Variants in GPR149 observed in about 807,000 individuals in gnomAD.
GPR149 encodes G protein-coupled receptor 149.
Under a neutral mutation model 50.2 loss-of-function variants are expected in GPR149, and 50 were observed. The ratio of observed to expected loss-of-function variants is 1.00; its 90% confidence interval spans 0.79 to 1.26. The LOEUF is 1.26. Among genes scored for constraint, GPR149 ranks in the 50% most tolerant of loss-of-function variants. The probability of loss-of-function intolerance (pLI) is 0.00; values close to 1 mark genes in which losing one functional copy is unlikely to be tolerated. For missense variants in GPR149, 983 were observed against 895.4 expected (o/e 1.10, Z -1.25); for synonymous variants, 405 against 358.2 (o/e 1.13, Z -1.48).
At chr3:154,416,456 T>G (rs1281266644) in intron 3 of GPR149, among the ~76,000 whole-genome samples, 2 of 151,824 alleles carry the variant, frequency 1.3e-5, no homozygotes, top group Admixed American at 6.6e-5. Flanking sequence ...TTGACTCGTA[T>G]GTACATTAAA....
chr3:154,421,470 C>G lies in GPR149; in HGVS notation c.1192G>C (p.Glu398Gln). Residue 398 changes from glutamate (E) to glutamine (Q), a missense_variant, in exon 3 of 4, where the codon GAA becomes CAA. Coordinates refer to ENST00000389740, the MANE Select transcript of GPR149 (RefSeq NM_001038705.3). ...CTTTTTTGGAATGATAGATTGAATT[C>G]AAAGCCTTTTCTCTTGACTGAGTAA... ...DGKKIKRKGF[E>Q]FNLSFQKSYG... 1.3e-6 allele frequency: 2 copies of G among 1,574,246 alleles called. No homozygotes were observed. Among genetic ancestry groups the G allele is most frequent in the Non-Finnish European group, 1.7e-6 (2 of 1,160,246 alleles).
At position 154,338,142 on chromosome 3, in the gene GPR149, C is replaced by G; in HGVS notation, c.1753G>C (p.Ala585Pro). The change falls in exon 4 of 4, where the codon GCC becomes CCC. Residue 585 changes from alanine to proline, a missense_variant. Ala to Pro is a conservative substitution (Grantham distance 27). Coordinates refer to ENST00000389740, the MANE Select transcript of GPR149 (RefSeq NM_001038705.3). Reference sequence around the variant, plus strand: ...CGATAGACTTCTATTTTCTTAGAGGCTGGAGTTATTTTTTGCCCTTCTGCG... The same window carrying G: ...CGATAGACTTCTATTTTCTTAGAGGGTGGAGTTATTTTTTGCCCTTCTGCG... The part of the protein sequence containing the change: ...VSAEGQKITP[A>P]SKKIEVYRSK... 1 of 1,614,120 alleles carries G rather than the reference C, an allele frequency of 6.2e-7. No individual in the cohort carries two copies. The highest frequency in any genetic ancestry group is 8.5e-7 in the Non-Finnish European group (1 of 1,180,016).
At chr3:154,392,473 A>G (rs1466912017) in intron 3 of GPR149, among the ~76,000 whole-genome samples, 2 of 151,882 alleles carry the variant, frequency 1.3e-5, no homozygotes, top group Non-Finnish European at 2.9e-5. Flanking sequence ...GTCAATGCCT[A>G]TATTTAAAAA....
chr3:154,378,727 T>A (rs940281076), intron 3 of GPR149, among the ~76,000 whole-genome samples: 2 of 152,246 alleles, frequency 1.3e-5, no homozygotes, highest in African/African-American at 4.8e-5. Flanking sequence ...CCAACACTTA[T>A]TGCTGTACCT....
At chr3:154,386,752 C>A (rs545593938) in intron 3 of GPR149, among the ~76,000 whole-genome samples, 3 of 152,112 alleles carry the variant, frequency 2.0e-5, no homozygotes, top group African/African-American at 7.2e-5. Flanking sequence ...AAAACCACTG[C>A]GATTGAATTC....
chr3:154,373,345 G>C (rs1348451805), intron 3 of GPR149, among the ~76,000 whole-genome samples: 1 of 152,090 alleles, frequency 6.6e-6, no homozygotes, highest in African/African-American at 2.4e-5. Context: ...AAGCAATCAG[G>C]CTACTAAAAT....
chr3:154,358,710 A>T (rs188019326), intron 3 of GPR149, among the ~76,000 whole-genome samples: 1 of 152,280 alleles, frequency 6.6e-6, no homozygotes, highest in East Asian at 1.9e-4. Context: ...ACTAGAAAGA[A>T]ACCTGTAAGG....
At chr3:154,352,175 A>C in intron 3 of GPR149, 2 of 782,960 alleles carry the variant, frequency 2.6e-6, no homozygotes, top group Non-Finnish European at 4.0e-6. Context: ...TTCTTGATCG[A>C]GTTCTATTCC....
intron 3 of GPR149, among the ~76,000 whole-genome samples, chr3:154,398,162 C>A (rs905167167): frequency 6.6e-6 from 1 of 152,104 alleles, no homozygotes; most frequent in Admixed American, 6.6e-5. Context: ...GGATATTAAT[C>A]TCAGTTCAAC....
chr3:154,368,458 C>T (rs922944526), intron 3 of GPR149, among the ~76,000 whole-genome samples: 3 of 152,224 alleles, frequency 2.0e-5, no homozygotes, highest in African/African-American at 7.2e-5. Context: ...AATTTAAAGA[C>T]AGGCCTGTAA....
In GPR149 at chr3:154,427,684, C is replaced by G; in HGVS notation, c.1006G>C (p.Val336Leu). The G allele has an allele frequency of 1.2e-6, 2 of 1,613,122 alleles. No individual in the cohort carries two copies. Among genetic ancestry groups the G allele is most frequent in the Non-Finnish European group, 1.7e-6 (2 of 1,179,442 alleles). ...TCCAAGGGAAGGCTCTGAAACCCCA[C>G]GACGTTCTGGACCACCATGTGCATC... ...MMMHMVVQNV[V>L]GFQSLPLETF... is the part of the protein sequence containing the mutation. The change falls in exon 2 of 4, where the codon GTG (valine) becomes CTG (leucine). Residue 336 changes from valine (V) to leucine (L), a missense_variant. Physicochemically the swap from Val to Leu is conservative, Grantham distance 32. Transcript: ENST00000389740.
intron 3 of GPR149, among the ~76,000 whole-genome samples, chr3:154,405,514 G>A (rs1270702427): frequency 6.8e-6 from 1 of 147,930 alleles, no homozygotes; most frequent in Non-Finnish European, 1.5e-5. Context: ...CTTGAACCTG[G>A]GAAGCAGAGG....
At chr3:154,382,256 A>G (rs1714944094) in intron 3 of GPR149, among the ~76,000 whole-genome samples, 1 of 152,170 alleles carries the variant, frequency 6.6e-6, no homozygotes, top group Middle Eastern at 3.2e-3. Context: ...ATGTGGCACC[A>G]TTTGGGTAGG....
At position 154,418,809 on chromosome 3, in the gene GPR149, G is replaced by A. The variant is rs189174102; in HGVS notation, c.1623+2230C>T. ...GTGCACATGTACCTTAAAACTTAAAGTATAATAATAATAATAAAAAAGAGG... is the reference window on the plus strand; with the variant it reads ...GTGCACATGTACCTTAAAACTTAAAATATAATAATAATAATAAAAAAGAGG... On this transcript the variant is annotated intron_variant, in intron 3 of 3. Coordinates refer to ENST00000389740, the MANE Select transcript of GPR149 (RefSeq NM_001038705.3). Among the ~76,000 whole-genome samples the A allele has an allele frequency of 1.5e-3, 224 of 151,690 alleles. 1 individual carries two copies. The highest frequency in any genetic ancestry group is 5.3e-3 in the African/African-American group (218 of 41,390).
At chr3:154,387,124 G>A (rs551487966) in intron 3 of GPR149, among the ~76,000 whole-genome samples, 2 of 152,074 alleles carry the variant, frequency 1.3e-5, no homozygotes, top group African/African-American at 2.4e-5. Flanking sequence ...AAAGAAATGC[G>A]AAAAGTTCCT....
intron 3 of GPR149, among the ~76,000 whole-genome samples, chr3:154,389,899 T>G (rs1012441232): frequency 1.3e-5 from 2 of 152,172 alleles, no homozygotes; most frequent in Admixed American, 1.3e-4. Flanking sequence ...AATCCTTAGC[T>G]CCAGATTTTC....
At position 154,344,002 on chromosome 3, in the gene GPR149, G is replaced by C. The variant is rs79818796; in HGVS notation, c.1624-5731C>G. ...CACCGCCCCCCCAAAAAAAAAGAAA[G>C]AAAAAGAAAAAATGTAGAGAATGGC... On this transcript the variant is annotated intron_variant, in intron 3 of 3. Transcript: ENST00000389740. 7.1e-3 allele frequency among the ~76,000 whole-genome samples: 1,080 copies of C among 151,680 alleles called. 12 individuals are homozygous for C. Among genetic ancestry groups the C allele is most frequent in the African/African-American group, 0.025 (1,043 of 41,330 alleles).
At chr3:154,405,968 A>G (rs1222707306) in intron 3 of GPR149, among the ~76,000 whole-genome samples, 1 of 152,024 alleles carries the variant, frequency 6.6e-6, no homozygotes, top group Non-Finnish European at 1.5e-5. Flanking sequence ...TACTATAAAC[A>G]AAAATCAAAA....
chr3:154,393,926 C>A (rs777836483), intron 3 of GPR149, among the ~76,000 whole-genome samples: 31 of 151,948 alleles, frequency 2.0e-4, no homozygotes, highest in Non-Finnish European at 2.7e-4. Flanking sequence ...AGAATATAAA[C>A]AAATGAGAAG....
Sources: gnomAD v4.1 joint callset for allele counts (sites outside exome capture counted in the v4.1 genomes callset) on GRCh38, gnomAD v4.1.1 for gene constraint, MANE v1.5 for transcripts, NCBI Gene and HGNC (gene_info 2026-07-23, HGNC 2026-07-21) for gene names.